ADGRL2: variants seen among roughly 807,000 people sequenced by gnomAD.
The protein encoded by ADGRL2 is calcium-independent alpha-latrotoxin receptor 2.
In ADGRL2, 44 loss-of-function variants were observed where a neutral mutation model predicts 157.4. That is an observed-to-expected ratio of 0.28 (90% CI 0.22 to 0.36). ADGRL2 has a LOEUF of 0.36. ADGRL2 is among the 10% of genes least tolerant of loss of function. The pLI is 1.00. For synonymous variants in ADGRL2, 585 were observed against 624.7 expected, an observed-to-expected ratio of 0.94 and a Z score of 0.95; for missense variants, 1,510 against 1,768.9, an observed-to-expected ratio of 0.85 and a Z score of 2.63.
In ADGRL2 at chr1:81,969,359, T is replaced by C. The variant is rs150031756; in HGVS notation, c.2705T>C (p.Leu902Pro). Residue 902 changes from leucine to proline, a missense_variant, in exon 15 of 24, where the codon CTA (leucine) becomes CCA (proline). Physicochemically the swap from Leu to Pro is moderately conservative, Grantham distance 98 (BLOSUM62 -3). This residue lies in a region of ADGRL2 where 497 missense variants were observed against 627.2 expected (regional missense o/e 0.79). Coordinates refer to ENST00000686636, the MANE Select transcript of ADGRL2 (RefSeq NM_001366006.2). Reference sequence around the variant, plus strand: ...CTTTTCATTGCTGAATTTATTTTCCTAATAGGCATTGATAAGACAAAATAT... The same window carrying C: ...CTTTTCATTGCTGAATTTATTTTCCCAATAGGCATTGATAAGACAAAATAT... ...INLFIAEFIF[L>P]IGIDKTKYAI... 20 of 1,613,694 alleles carry C rather than the reference T, an allele frequency of 1.2e-5. No homozygotes were observed.
At chr1:81,398,223 T>C (rs940180173) in intron 1 of ADGRL2, among the ~76,000 whole-genome samples, 4 of 152,182 alleles carry the variant, frequency 2.6e-5, no homozygotes, top group Non-Finnish European at 4.4e-5. Context: ...ATAAGTTTTT[T>C]TGCATATAGC....
At chr1:81,422,205 A>C (rs11809866) in intron 1 of ADGRL2, among the ~76,000 whole-genome samples, 2 of 152,028 alleles carry the variant, frequency 1.3e-5, no homozygotes, top group Non-Finnish European at 2.9e-5. Context: ...TTTAACATAA[A>C]TTATATTATT....
chr1:81,880,532 C>T (rs2093958870), intron 2 of ADGRL2, among the ~76,000 whole-genome samples: 1 of 151,674 alleles, frequency 6.6e-6, no homozygotes, highest in East Asian at 1.9e-4. Flanking sequence ...GAAAGGAAAG[C>T]TCTCAGCAAA....
At chr1:81,916,462 G>A (rs980729815) in intron 3 of ADGRL2, among the ~76,000 whole-genome samples, 3 of 151,974 alleles carry the variant, frequency 2.0e-5, no homozygotes, top group African/African-American at 7.2e-5. Context: ...ATTTTTGCTT[G>A]TAATTTGGCA....
chr1:81,681,326 A>C (rs961057962), intron 3 of ADGRL2, among the ~76,000 whole-genome samples: 1 of 152,160 alleles, frequency 6.6e-6, no homozygotes, highest in African/African-American at 2.4e-5. Context: ...CTCCATGTGA[A>C]CTGGAACTGT....
At chr1:81,622,981 G>A (rs528826362) in intron 3 of ADGRL2, among the ~76,000 whole-genome samples, 1 of 152,224 alleles carries the variant, frequency 6.6e-6, no homozygotes, top group Admixed American at 6.5e-5. Context: ...TTTATTAAGT[G>A]GTCATCAATG....
chr1:81,650,594 G>T (rs903666245), intron 3 of ADGRL2, among the ~76,000 whole-genome samples: 1 of 144,536 alleles, frequency 6.9e-6, no homozygotes, highest in South Asian at 2.2e-4. Context: ...AAAAAAAAAA[G>T]AAAAAGAAAA....
At chr1:81,940,936 G>T (rs1161632828) in intron 4 of ADGRL2, among the ~76,000 whole-genome samples, 7 of 144,498 alleles carry the variant, frequency 4.8e-5, no homozygotes, top group Non-Finnish European at 7.6e-5. Context: ...TGTAGGAGTT[G>T]TTTTTTTTTT....
intron 3 of ADGRL2, among the ~76,000 whole-genome samples, chr1:81,911,844 G>C (rs1280104328): frequency 6.7e-6 from 1 of 148,932 alleles, no homozygotes; most frequent in African/African-American, 2.5e-5. Flanking sequence ...GTAGTAAGGT[G>C]TATTTTGTAT....
intron 2 of ADGRL2, among the ~76,000 whole-genome samples, chr1:81,529,383 T>C: frequency 6.6e-6 from 1 of 152,222 alleles, no homozygotes; most frequent in East Asian, 1.9e-4. Flanking sequence ...AAGTTGGTGC[T>C]AGTAACGGAC....
intron 1 of ADGRL2, among the ~76,000 whole-genome samples, chr1:81,335,629 C>T (rs573968841): frequency 6.6e-6 from 1 of 152,230 alleles, no homozygotes; most frequent in Non-Finnish European, 1.5e-5. Context: ...ATGATTCCAA[C>T]TGCCCCTCAA....
chr1:81,531,572 CAG>C (rs1189912565), intron 2 of ADGRL2, among the ~76,000 whole-genome samples: 1 of 152,086 alleles, frequency 6.6e-6, no homozygotes, highest in Non-Finnish European at 1.5e-5. Flanking sequence ...AGTCTCAACT[CAG>C]AGCAGTGACA....
At chr1:81,341,421 G>A (rs1314633660) in intron 1 of ADGRL2, among the ~76,000 whole-genome samples, 1 of 151,036 alleles carries the variant, frequency 6.6e-6, no homozygotes, top group Non-Finnish European at 1.5e-5. Flanking sequence ...TCATCAGTAG[G>A]GCTATTTACC....
intron 2 of ADGRL2, among the ~76,000 whole-genome samples, chr1:81,484,622 T>C (rs533104804): frequency 6.6e-6 from 1 of 152,298 alleles, no homozygotes; most frequent in African/African-American, 2.4e-5. Context: ...CTGTGTATAT[T>C]AGGTTATCTT....
chr1:81,703,238 C>A (rs113376132), intron 1 of ADGRL2, among the ~76,000 whole-genome samples: 24 of 152,250 alleles, frequency 1.6e-4, no homozygotes, highest in African/African-American at 5.1e-4. Context: ...AATCTGTACC[C>A]AGAAAGTGAA....
At chr1:81,925,572 A>G (rs992073529) in intron 3 of ADGRL2, among the ~76,000 whole-genome samples, 1 of 150,446 alleles carries the variant, frequency 6.6e-6, no homozygotes, top group African/African-American at 2.4e-5. Context: ...AAAAAAAAAA[A>G]AGTAAGCACT....
intron 3 of ADGRL2, among the ~76,000 whole-genome samples, chr1:81,598,678 G>A (rs960405235): frequency 1.7e-4 from 26 of 152,124 alleles, no homozygotes; most frequent in African/African-American, 6.3e-4. Context: ...ACACACAAGT[G>A]GTCAGGGAAA....
chr1:81,989,939 T>A, intron 23 of ADGRL2: 1 of 985,398 alleles, frequency 1.0e-6, no homozygotes, highest in Non-Finnish European at 1.2e-6. Flanking sequence ...TTCAGTTTTG[T>A]ATTGTGACTT....
At chr1:81,596,661 C>T (rs1007057415) in intron 3 of ADGRL2, among the ~76,000 whole-genome samples, 2 of 151,902 alleles carry the variant, frequency 1.3e-5, no homozygotes, top group South Asian at 4.1e-4. Context: ...ATTTTTATTT[C>T]CAGAATCCCT....
Sources: gnomAD v4.1 joint callset for allele counts (sites outside exome capture counted in the v4.1 genomes callset) on GRCh38, gnomAD v4.1.1 for gene constraint, gnomAD v4.1.1 regional missense constraint, MANE v1.5 for transcripts, NCBI Gene and HGNC (gene_info 2026-07-23, HGNC 2026-07-21) for gene names.